SH3GL2: variants seen among roughly 807,000 people sequenced by gnomAD.
The protein encoded by SH3GL2 is endophilin-A1.
SH3GL2 carries 24 observed loss-of-function variants against 46.0 expected under a neutral mutation model. The observed-to-expected ratio is 0.52, with a 90% confidence interval of 0.38 to 0.73. The LOEUF is 0.73. SH3GL2 is among the 30% of genes least tolerant of loss of function. The probability of loss-of-function intolerance (pLI) is 0.00; values close to 1 mark genes in which losing one functional copy is unlikely to be tolerated. For synonymous variants in SH3GL2, 196 were observed against 147.1 expected (o/e 1.33, Z -2.40); for missense variants, 413 against 424.2 (o/e 0.97, Z 0.23).
At chr9:17,582,532 C>CA (rs1263225982) in intron 1 of SH3GL2, among the ~76,000 whole-genome samples, 1 of 152,166 alleles carries the variant, frequency 6.6e-6, no homozygotes, top group Non-Finnish European at 1.5e-5. Context: ...GAAGCTCCTA[C>CA]AAAATCTGTA....
At chr9:17,698,037 T>C (rs1821251969) in intron 1 of SH3GL2, among the ~76,000 whole-genome samples, 1 of 152,320 alleles carries the variant, frequency 6.6e-6, no homozygotes, top group Admixed American at 6.5e-5. Flanking sequence ...TAGCTAGTCT[T>C]TTAGGATTTT....
At chr9:17,642,627 T>C (rs1396510768) in intron 1 of SH3GL2, among the ~76,000 whole-genome samples, 1 of 152,222 alleles carries the variant, frequency 6.6e-6, no homozygotes, top group Non-Finnish European at 1.5e-5. Flanking sequence ...TCCCATTACT[T>C]GTTTTTGTCA....
intron 1 of SH3GL2, among the ~76,000 whole-genome samples, chr9:17,677,724 C>T (rs1413830080): frequency 1.3e-5 from 2 of 151,908 alleles, no homozygotes; most frequent in Admixed American, 6.6e-5. Context: ...TGGTGTGCTG[C>T]ACCCATTAAC....
At chr9:17,664,272 G>A (rs1000125959) in intron 1 of SH3GL2, among the ~76,000 whole-genome samples, 78 of 152,144 alleles carry the variant, frequency 5.1e-4, no homozygotes, top group African/African-American at 1.7e-3. Flanking sequence ...AGCAAAGCAA[G>A]CTTCCTTTTA....
rs1039089267 is a variant in SH3GL2 at position 17,579,091 on chromosome 9, C to T, written c.-152C>T. On this transcript the variant is annotated 5_prime_UTR_variant, in exon 1 of 9. Coordinates refer to ENST00000380607, the MANE Select transcript of SH3GL2 (RefSeq NM_003026.5). Reference sequence around the variant, plus strand: ...GTCAGAGTGTTTCTCCGCAAGAGCCCGTGTCCCGCTAGGCTCCGCGCCCTC... The same window carrying T: ...GTCAGAGTGTTTCTCCGCAAGAGCCTGTGTCCCGCTAGGCTCCGCGCCCTC... 2.0e-6 allele frequency: 1 copy of T among 495,830 alleles called. No individual in the cohort carries two copies. Among genetic ancestry groups the T allele is most frequent in the Middle Eastern group, 5.1e-4 (1 of 1,972 alleles). 30.7% of individuals were successfully genotyped at this position (495,830 alleles called of 1,614,324 possible).
In SH3GL2 at chr9:17,722,418, C is replaced by T. The variant is rs570302448; in HGVS notation, c.46-24648C>T. Among the ~76,000 whole-genome samples, 12 of 152,226 alleles carry T rather than the reference C, an allele frequency of 7.9e-5. No homozygotes were observed. In the South Asian group the frequency reaches 2.3e-3, roughly 29 times the overall value. ...AATATTTTCTCCATGCAATGGTGAA[C>T]ATTCATTTACTGTTGGAAATAGTCA... is the stretch of plus-strand genomic sequence containing the variant. On this transcript the variant is annotated intron_variant, in intron 1 of 8. Transcript: ENST00000380607.
intron 3 of SH3GL2, among the ~76,000 whole-genome samples, chr9:17,777,886 A>G (rs1023276226): frequency 6.6e-6 from 1 of 151,954 alleles, no homozygotes; most frequent in Non-Finnish European, 1.5e-5. Flanking sequence ...TTTTACATTC[A>G]TCACTTACCA....
At chr9:17,754,685 T>TA (rs1231871547) in intron 2 of SH3GL2, among the ~76,000 whole-genome samples, 1 of 151,980 alleles carries the variant, frequency 6.6e-6, no homozygotes, top group African/African-American at 2.4e-5. Context: ...AAAAATAAAA[T>TA]AAATAAATAA....
At chr9:17,624,725 A>G (rs1453627564) in intron 1 of SH3GL2, among the ~76,000 whole-genome samples, 2 of 152,332 alleles carry the variant, frequency 1.3e-5, no homozygotes, top group South Asian at 2.1e-4. Context: ...CAATGTGATC[A>G]GGCTCATCTT....
At chr9:17,654,768 G>A (rs547496587) in intron 1 of SH3GL2, among the ~76,000 whole-genome samples, 11 of 152,278 alleles carry the variant, frequency 7.2e-5, no homozygotes, top group Middle Eastern at 3.4e-3. Context: ...ACATTATCAC[G>A]TGACAGAAGT....
intron 2 of SH3GL2, among the ~76,000 whole-genome samples, chr9:17,754,422 C>A (rs1344980678): frequency 1.3e-5 from 2 of 152,020 alleles, no homozygotes; most frequent in Admixed American, 1.3e-4. Flanking sequence ...GCCTGTAATC[C>A]CAGCACTTTG....
chr9:17,739,060 C>G (rs1436597330), intron 1 of SH3GL2, among the ~76,000 whole-genome samples: 1 of 152,122 alleles, frequency 6.6e-6, no homozygotes, highest in Non-Finnish European at 1.5e-5. Context: ...TAGAACTCTT[C>G]TGATTACCCA....
At chr9:17,717,615 C>T (rs776999351) in intron 1 of SH3GL2, among the ~76,000 whole-genome samples, 1 of 152,018 alleles carries the variant, frequency 6.6e-6, no homozygotes, top group Non-Finnish European at 1.5e-5. Context: ...GAGAATATGC[C>T]CTCTCTGCCT....
chr9:17,652,247 G>C (rs1397620690), intron 1 of SH3GL2, among the ~76,000 whole-genome samples: 1 of 151,958 alleles, frequency 6.6e-6, no homozygotes, highest in Non-Finnish European at 1.5e-5. Flanking sequence ...TTTGGCATGA[G>C]TTCTTCCCTT....
chr9:17,747,149 C>T lies in SH3GL2; in HGVS notation c.114+15C>T, dbSNP rs766580046. ...AGATGGAAAGGGTAAGCCTTCACTA[C>T]TGCCTAGTGTTCCCTTTGACATAAA... On this transcript the variant is annotated intron_variant, in intron 2 of 8. Coordinates refer to ENST00000380607, the MANE Select transcript of SH3GL2 (RefSeq NM_003026.5). 2.6e-6 allele frequency: 4 copies of T among 1,547,422 alleles called. No homozygotes were observed. The South Asian group carries it at 4.5e-5, about 17-fold the overall frequency.
intron 3 of SH3GL2, among the ~76,000 whole-genome samples, chr9:17,772,405 T>C (rs1293241458): frequency 6.6e-6 from 1 of 152,172 alleles, no homozygotes; most frequent in Non-Finnish European, 1.5e-5. Context: ...ATTAAATACA[T>C]TCATAATGTT....
chr9:17,612,129 A>G (rs531832363), intron 1 of SH3GL2, among the ~76,000 whole-genome samples: 15 of 152,250 alleles, frequency 9.9e-5, no homozygotes, highest in Non-Finnish European at 1.9e-4. Context: ...TATGGGGGAA[A>G]GTCCGGCTCT....
intron 3 of SH3GL2, among the ~76,000 whole-genome samples, chr9:17,769,978 G>T (rs1048862089): frequency 1.3e-5 from 2 of 152,154 alleles, no homozygotes; most frequent in Non-Finnish European, 2.9e-5. Context: ...AGAGTTTGGT[G>T]CTAGCGATTG....
At chr9:17,589,982 A>G (rs915847821) in intron 1 of SH3GL2, 2 of 152,148 alleles carry the variant, frequency 1.3e-5, no homozygotes, top group Non-Finnish European at 2.9e-5. Context: ...ACCCTGAGAT[A>G]TATTTTAGGG....
Sources: gnomAD v4.1 joint callset for allele counts (sites outside exome capture counted in the v4.1 genomes callset) on GRCh38, gnomAD v4.1.1 for gene constraint, MANE v1.5 for transcripts, NCBI Gene and HGNC (gene_info 2026-07-23, HGNC 2026-07-21) for gene names.